GRXCR1: variants seen among roughly 807,000 people sequenced by gnomAD.
GRXCR1 encodes the protein glutaredoxin domain-containing cysteine-rich protein 1.
A neutral mutation model predicts 27.3 loss-of-function variants in GRXCR1; 27 were observed. The ratio of observed to expected loss-of-function variants is 0.99; its 90% confidence interval spans 0.73 to 1.37. GRXCR1 has a LOEUF of 1.37. Ranked by LOEUF, GRXCR1 falls within the 40% of genes most tolerant of loss-of-function variation. The pLI, the probability that GRXCR1 is intolerant of heterozygous loss-of-function variation, is 0.00. For synonymous variants in GRXCR1, 122 were observed against 131.1 expected (o/e 0.93, Z 0.47); for missense variants, 379 against 354.4 (o/e 1.07, Z -0.56).
At chr4:42,950,470 A>T (rs1226625795) in intron 1 of GRXCR1, among the ~76,000 whole-genome samples, 1 of 152,204 alleles carries the variant, frequency 6.6e-6, no homozygotes, top group African/African-American at 2.4e-5. Flanking sequence ...AGAGATTAGC[A>T]AAATGTAAAA....
chr4:42,994,615 C>T (rs895701650), intron 2 of GRXCR1, among the ~76,000 whole-genome samples: 1 of 152,052 alleles, frequency 6.6e-6, no homozygotes, highest in African/African-American at 2.4e-5. Flanking sequence ...ACTAATCATG[C>T]TAATAAGCAT....
chr4:42,899,776 T>C (rs891551729), intron 1 of GRXCR1, among the ~76,000 whole-genome samples: 1 of 152,172 alleles, frequency 6.6e-6, no homozygotes, highest in Non-Finnish European at 1.5e-5. Flanking sequence ...AATTAATATC[T>C]AAGTTGGAAA....
At chr4:42,982,042 T>A (rs1282258689) in intron 2 of GRXCR1, among the ~76,000 whole-genome samples, 1 of 143,612 alleles carries the variant, frequency 7.0e-6, no homozygotes, top group African/African-American at 2.7e-5. Context: ...CCCCTTTGTC[T>A]TTCTTTCTCC....
intron 1 of GRXCR1, among the ~76,000 whole-genome samples, chr4:42,907,524 G>A (rs1341934412): frequency 6.6e-6 from 1 of 152,076 alleles, no homozygotes; most frequent in Non-Finnish European, 1.5e-5. Context: ...AGTCCCTGTA[G>A]AGTCTGAGCT....
intron 1 of GRXCR1, among the ~76,000 whole-genome samples, chr4:42,957,740 T>C (rs969093452): frequency 5.9e-5 from 9 of 151,874 alleles, no homozygotes; most frequent in African/African-American, 2.2e-4. Flanking sequence ...AGTTTGTCAA[T>C]TGAATTGTTC....
intron 1 of GRXCR1, among the ~76,000 whole-genome samples, chr4:42,901,911 T>C (rs970478755): frequency 5.9e-5 from 9 of 152,224 alleles, no homozygotes; most frequent in African/African-American, 1.9e-4. Context: ...ACAATCAAAG[T>C]ATTGAAACTG....
At chr4:42,921,912 A>C (rs891734163) in intron 1 of GRXCR1, among the ~76,000 whole-genome samples, 1 of 152,008 alleles carries the variant, frequency 6.6e-6, no homozygotes, top group Non-Finnish European at 1.5e-5. Context: ...CTGTGTCCAC[A>C]TGCCTGTGTT....
chr4:42,894,252 A>G (rs984988514), intron 1 of GRXCR1, among the ~76,000 whole-genome samples: 1 of 152,242 alleles, frequency 6.6e-6, no homozygotes, highest in Admixed American at 6.6e-5. Context: ...ACAGACTGAG[A>G]TCTAGATTTT....
At chr4:42,951,259 C>T (rs1370159930) in intron 1 of GRXCR1, among the ~76,000 whole-genome samples, 4 of 152,190 alleles carry the variant, frequency 2.6e-5, no homozygotes, top group Admixed American at 6.5e-5. Flanking sequence ...TGACCACCTA[C>T]ATCAGGGAAG....
chr4:42,935,899 T>G (rs1747445601), intron 1 of GRXCR1, among the ~76,000 whole-genome samples: 1 of 151,924 alleles, frequency 6.6e-6, no homozygotes, highest in East Asian at 1.9e-4. Flanking sequence ...TCTGGGATGT[T>G]CCAGTCTTTT....
chr4:42,895,232 T>C (rs1746321456), intron 1 of GRXCR1, among the ~76,000 whole-genome samples: 1 of 152,112 alleles, frequency 6.6e-6, no homozygotes, highest in Admixed American at 6.6e-5. Flanking sequence ...CTGCATATTT[T>C]TCTATGCATA....
chr4:43,017,733 A>C (rs1421885269), intron 2 of GRXCR1, among the ~76,000 whole-genome samples: 1 of 152,194 alleles, frequency 6.6e-6, no homozygotes, highest in African/African-American at 2.4e-5. Flanking sequence ...AGTGTATGTA[A>C]AAACAAACTT....
At chr4:42,958,184 G>T (rs536191985) in intron 1 of GRXCR1, among the ~76,000 whole-genome samples, 1 of 152,112 alleles carries the variant, frequency 6.6e-6, no homozygotes, top group African/African-American at 2.4e-5. Flanking sequence ...TGCAAACTTT[G>T]CTTCTTAACC....
chr4:42,977,289 A>G (rs1032773496), intron 2 of GRXCR1, among the ~76,000 whole-genome samples: 2 of 152,082 alleles, frequency 1.3e-5, no homozygotes, highest in Admixed American at 1.3e-4. Context: ...GGGAGTGTAG[A>G]TATCTCTTTG....
At chr4:42,968,412 A>C (rs1377103055) in intron 2 of GRXCR1, among the ~76,000 whole-genome samples, 1 of 152,172 alleles carries the variant, frequency 6.6e-6, no homozygotes, top group African/African-American at 2.4e-5. Flanking sequence ...CTAGATGACT[A>C]TAACAGTTAT....
At chr4:42,962,866 C>A in intron 1 of GRXCR1, 26 bp from the exon 2 acceptor site, 1 of 1,611,514 alleles carries the variant, frequency 6.2e-7, no homozygotes, top group Non-Finnish European at 8.5e-7. Flanking sequence ...AGCAAACATT[C>A]TTACAACTCA....
Position 43,020,424 on chromosome 4 carries a change from A to G in GRXCR1, c.693+5A>G. ...GACATCCTAACCAAAATTGAGGTAA[A>G]TGTGCTTTCAGCAACTTAGTTTTAG... is the stretch of plus-strand genomic sequence containing the variant. On this transcript the variant is annotated splice_donor_5th_base_variant and intron_variant, in intron 3 of 3. Transcript: ENST00000399770. The G allele has an allele frequency of 6.3e-7, 1 of 1,587,410 alleles. No individual in the cohort carries two copies. The highest frequency in any genetic ancestry group is 8.7e-7 in the Non-Finnish European group (1 of 1,155,812).
intron 2 of GRXCR1, among the ~76,000 whole-genome samples, chr4:43,001,715 A>C (rs1042272652): frequency 4.6e-5 from 7 of 152,322 alleles, no homozygotes; most frequent in Non-Finnish European, 1.0e-4. Context: ...AATAAGACAC[A>C]GAGACAAAGT....
chr4:42,931,999 C>T (rs1039102679), intron 1 of GRXCR1, among the ~76,000 whole-genome samples: 2 of 151,866 alleles, frequency 1.3e-5, no homozygotes, highest in African/African-American at 2.4e-5. Flanking sequence ...CATCACATCT[C>T]GTGAGACTTA....
Sources: allele counts gnomAD v4.1 joint callset (sites outside exome capture counted in the v4.1 genomes callset), GRCh38; gene constraint gnomAD v4.1.1; transcripts MANE v1.5; gene names NCBI Gene and HGNC (gene_info 2026-07-23, HGNC 2026-07-21).